SPATA13: variants seen among roughly 807,000 people sequenced by gnomAD.
SPATA13 encodes the protein spermatogenesis associated 13.
SPATA13 carries 50 observed loss-of-function variants against 104.0 expected under a neutral mutation model. The ratio of observed to expected loss-of-function variants is 0.48; its 90% CI spans 0.38 to 0.61. SPATA13 has a LOEUF of 0.61. Ranked by LOEUF, SPATA13 falls within the 20% of genes least tolerant of loss-of-function variation. SPATA13 has a pLI of 0.00. For synonymous variants in SPATA13, 606 were observed against 667.5 expected, an observed-to-expected ratio of 0.91 and a Z score of 1.42; for missense variants, 1,524 against 1,690.6, an observed-to-expected ratio of 0.90 and a Z score of 1.73.
chr13:24,302,515 A>C, intron 12 of SPATA13, 83 bp from the exon 13 acceptor site: 2 of 406,928 alleles, frequency 4.9e-6, no homozygotes, highest in Non-Finnish European at 4.7e-6. Flanking sequence ...TTGGACTTGG[A>C]GTCTCAGCAT....
rs1880128637 is a variant in SPATA13, at chr13:24,097,754, A to G, written c.-112+80053A>G. Reference sequence around the variant, plus strand: ...ATCATGTAAGGAGAGGGACCCCCCAACATAGCCAAAGGTATGCACCGGAAA... The same window carrying G: ...ATCATGTAAGGAGAGGGACCCCCCAGCATAGCCAAAGGTATGCACCGGAAA... On this transcript the variant is annotated intron_variant, in intron 3 of 14. Transcript: ENST00000424834. Among the ~76,000 whole-genome samples the G allele has an allele frequency of 2.0e-5, 3 of 152,248 alleles. 1 individual carries two copies. In the South Asian group the frequency reaches 6.2e-4, roughly 32 times the overall value.
At chr13:24,275,966 C>A (rs56959847) in intron 4 of SPATA13, among the ~76,000 whole-genome samples, 17,551 of 152,122 alleles carry the variant, frequency 0.12, 1,800 homozygotes, top group African/African-American at 0.27. Context: ...TTTTTCCACA[C>A]CAATTTTTTC....
At chr13:24,274,170 C>G (rs549985030) in intron 4 of SPATA13, among the ~76,000 whole-genome samples, 1 of 152,318 alleles carries the variant, frequency 6.6e-6, no homozygotes, top group South Asian at 2.1e-4. Flanking sequence ...CAATCAGAAT[C>G]CATTGCCTGC....
intron 4 of SPATA13, among the ~76,000 whole-genome samples, chr13:24,255,770 T>C (rs1470961786): frequency 6.6e-6 from 1 of 152,210 alleles, no homozygotes; most frequent in Non-Finnish European, 1.5e-5. Flanking sequence ...TTCTATGCAC[T>C]GAGGGTTTTA....
At chr13:23,992,461 G>A (rs1209381901) in intron 2 of SPATA13, among the ~76,000 whole-genome samples, 4 of 152,186 alleles carry the variant, frequency 2.6e-5, no homozygotes, top group African/African-American at 9.7e-5. Flanking sequence ...TCTGATCGGT[G>A]GCAGGTGCTG....
At chr13:24,043,479 T>TACAC (rs34690904) in intron 3 of SPATA13, among the ~76,000 whole-genome samples, 1 of 151,728 alleles carries the variant, frequency 6.6e-6, no homozygotes, top group African/African-American at 2.4e-5. Flanking sequence ...TGATTGATAT[T>TACAC]ACACACACAC....
intron 3 of SPATA13, among the ~76,000 whole-genome samples, chr13:24,100,256 C>A (rs1880213064): frequency 6.6e-6 from 1 of 152,196 alleles, no homozygotes; most frequent in South Asian, 2.1e-4. Flanking sequence ...TACCAAGTGG[C>A]ACCTATATTG....
chr13:24,207,081 G>A (rs1870743538), intron 1 of SPATA13, among the ~76,000 whole-genome samples: 1 of 152,162 alleles, frequency 6.6e-6, no homozygotes, highest in South Asian at 2.1e-4. Context: ...TATGGATGGA[G>A]TTGGAAGCCA....
At chr13:24,211,205 G>A (rs968553830) in intron 1 of SPATA13, among the ~76,000 whole-genome samples, 4 of 152,150 alleles carry the variant, frequency 2.6e-5, no homozygotes, top group African/African-American at 9.7e-5. Flanking sequence ...TTTTCAAACA[G>A]ACTATTTAAC....
chr13:24,270,762 G>A, intron 4 of SPATA13: 1 of 1,595,980 alleles, frequency 6.3e-7, no homozygotes, highest in Non-Finnish European at 8.5e-7. Flanking sequence ...AGTTCCCGTA[G>A]CTGCCAGCCT....
chr13:24,079,919 C>T (rs891653974), intron 3 of SPATA13, among the ~76,000 whole-genome samples: 1 of 152,204 alleles, frequency 6.6e-6, no homozygotes, highest in African/African-American at 2.4e-5. Context: ...CGTGTCCCAA[C>T]CAGCATATCT....
At chr13:24,255,067 G>A (rs1304998618) in intron 4 of SPATA13, among the ~76,000 whole-genome samples, 3 of 152,132 alleles carry the variant, frequency 2.0e-5, no homozygotes, top group African/African-American at 7.2e-5. Flanking sequence ...AGGCCATTCA[G>A]CCAGGCCATT....
At chr13:24,240,017 A>G (rs1872754886) in intron 2 of SPATA13, among the ~76,000 whole-genome samples, 1 of 151,872 alleles carries the variant, frequency 6.6e-6, no homozygotes, top group African/African-American at 2.4e-5. Flanking sequence ...TAAAATTGCA[A>G]CCTACGACCG....
intron 3 of SPATA13, among the ~76,000 whole-genome samples, chr13:24,153,463 A>G (rs1242706217): frequency 6.6e-6 from 1 of 152,230 alleles, no homozygotes; most frequent in Non-Finnish European, 1.5e-5. Flanking sequence ...CTGCTAGTAC[A>G]TGACAGAGAA....
intron 3 of SPATA13, among the ~76,000 whole-genome samples, chr13:24,111,715 A>G (rs990293268): frequency 1.4e-4 from 21 of 152,144 alleles, no homozygotes; most frequent in Non-Finnish European, 1.2e-4. Context: ...CTGCGTCCAT[A>G]TTTTAATGTA....
At position 24,121,942 on chromosome 13, in the gene SPATA13, GT is replaced by G. The variant is rs1425992334; in HGVS notation, c.-111-100874del. On this transcript the variant is annotated intron_variant, in intron 3 of 14. Transcript: ENST00000424834. Reference sequence around the variant, plus strand: ...TCGGGTCCCATCTCCTGGGGTTGTTGTTTCTTTTGTCCATCTATTCATCATT... The same window carrying G: ...TCGGGTCCCATCTCCTGGGGTTGTTGTTCTTTTGTCCATCTATTCATCATT... 3.0e-5 allele frequency: 21 copies of G among 694,340 alleles called. No homozygotes were observed. The East Asian group carries it at 5.5e-4, about 18-fold the overall frequency. The allele number at this position is 694,340 out of a possible 1,614,324, so 43.0% of individuals were successfully genotyped here. A position where few individuals can be genotyped will look rare whatever the true frequency, so the allele number is the denominator to read the frequency against.
intron 11 of SPATA13, among the ~76,000 whole-genome samples, chr13:24,300,193 T>A (rs1877086183): frequency 6.6e-6 from 1 of 152,204 alleles, no homozygotes; most frequent in South Asian, 2.1e-4. Context: ...CTGTCCGGGT[T>A]TGCAGGACAA....
chr13:24,271,773 C>T (rs746171411), intron 4 of SPATA13, among the ~76,000 whole-genome samples: 13 of 152,264 alleles, frequency 8.5e-5, no homozygotes, highest in South Asian at 2.1e-4. Flanking sequence ...GAATGGGAAC[C>T]GTAGATGGCA....
chr13:24,288,923 A>G (rs1876143034), intron 7 of SPATA13, 76 bp from the exon 8 acceptor site: 7 of 1,284,944 alleles, frequency 5.4e-6, no homozygotes, highest in Non-Finnish European at 6.4e-6. Flanking sequence ...TCATGGCTTT[A>G]GGCCTACAAA....
Sources: gnomAD v4.1 joint callset for allele counts (sites outside exome capture counted in the v4.1 genomes callset) on GRCh38, gnomAD v4.1.1 for gene constraint, MANE v1.5 for transcripts, NCBI Gene and HGNC (gene_info 2026-07-23, HGNC 2026-07-21) for gene names.